The following RP1L1 variants were observed in gnomAD, a reference collection of about 807,000 sequenced individuals.
The protein encoded by RP1L1 is RP1 like 1, also known as retinitis pigmentosa 1-like 1 protein.
RP1L1 carries 27 observed loss-of-function variants against 15.7 expected under a neutral mutation model. The ratio of observed to expected loss-of-function variants is 1.72; its 90% CI spans 1.27 to 2.38. The LOEUF is 2.38. Ranked by LOEUF, RP1L1 falls within the 30% of genes most tolerant of loss-of-function variation. RP1L1 has a pLI of 0.00. For synonymous variants in RP1L1, 1,813 were observed against 1,276.7 expected, an observed-to-expected ratio of 1.42 and a Z score of -8.96; for missense variants, 4,798 against 3,075.9, an observed-to-expected ratio of 1.56 and a Z score of -13.24.
chr8:10,633,477 G>A lies in RP1L1; in HGVS notation c.-19-10257C>T, dbSNP rs540842448. ...AGCTTCCAGCCAAACAAAACCCCGGGCAAGGACACCACTCCCATCCGTGCA... is the reference window on the plus strand; with the variant it reads ...AGCTTCCAGCCAAACAAAACCCCGGACAAGGACACCACTCCCATCCGTGCA... On this transcript the variant is annotated intron_variant, in intron 1 of 3. Coordinates refer to ENST00000382483, the MANE Select transcript of RP1L1 (RefSeq NM_178857.6). 3.9e-5 allele frequency among the ~76,000 whole-genome samples: 6 copies of A among 152,276 alleles called. No homozygotes were observed. The South Asian group carries it at 1.2e-3, about 32-fold the overall frequency.
rs760959047 is a variant in RP1L1 at position 10,609,601 on chromosome 8, A to G, written c.4497T>C (p.Ala1499=). 2.5e-6 allele frequency: 4 copies of G among 1,606,530 alleles called. No homozygotes were observed. The East Asian group carries it at 8.9e-5, about 36-fold the overall frequency. The change falls in exon 4 of 4, where the codon GCT becomes GCC. Residue 1499 remains alanine (A), a synonymous_variant. Transcript: ENST00000382483. Reference sequence around the variant, plus strand: ...AGGCCACCGAAGAGCTCCTCTCTGCAGCCCCCTGGGTGGGTTGGGCCTGCG... The same window carrying G: ...AGGCCACCGAAGAGCTCCTCTCTGCGGCCCCCTGGGTGGGTTGGGCCTGCG... ...EHTQAQPTQG[A]AERSSSVACS...
At chr8:10,628,561 G>C (rs1798192801) in intron 1 of RP1L1, among the ~76,000 whole-genome samples, 1 of 152,218 alleles carries the variant, frequency 6.6e-6, no homozygotes, top group Non-Finnish European at 1.5e-5. Flanking sequence ...ACAAGGAGAG[G>C]AGAAACAACA....
chr8:10,623,289 T>C lies in RP1L1; in HGVS notation c.-19-69A>G. The C allele has an allele frequency of 2.5e-6, 3 of 1,177,094 alleles. No homozygotes were observed. The South Asian group carries it at 4.6e-5, about 18-fold the overall frequency. The allele number at this position is 1,177,094 out of a possible 1,614,324, so 72.9% of individuals were successfully genotyped here. The stretch of plus-strand genomic sequence containing the variant: ...GATTGGCATTTCCTGTCTCTTCCCG[T>C]CTTTCTAGAGGTGCTTCCTGCCCAC... On this transcript the variant is annotated intron_variant, in intron 1 of 3. Coordinates refer to ENST00000382483, the MANE Select transcript of RP1L1 (RefSeq NM_178857.6).
intron 1 of RP1L1, among the ~76,000 whole-genome samples, chr8:10,644,453 C>A (rs1798448013): frequency 6.6e-6 from 1 of 152,176 alleles, no homozygotes; most frequent in Non-Finnish European, 1.5e-5. Context: ...AGGGTCACAC[C>A]AGGCCACATG....
chr8:10,644,713 G>T (rs1307009713), intron 1 of RP1L1, among the ~76,000 whole-genome samples: 1 of 152,200 alleles, frequency 6.6e-6, no homozygotes, highest in African/African-American at 2.4e-5. Flanking sequence ...GAGCCCTGAA[G>T]CCACACCCAC....
At chr8:10,643,309 C>T (rs1433731125) in intron 1 of RP1L1, among the ~76,000 whole-genome samples, 1 of 152,160 alleles carries the variant, frequency 6.6e-6, no homozygotes, top group African/African-American at 2.4e-5. Context: ...TACTGCACTA[C>T]AGCCTGGGTG....
chr8:10,620,994 C>T (rs1798049126), intron 2 of RP1L1: 1 of 152,236 alleles, frequency 6.6e-6, no homozygotes, highest in African/African-American at 2.4e-5. Flanking sequence ...TGGAAAGAAG[C>T]TTTAAACACC....
At chr8:10,643,172 T>C (rs148226510) in intron 1 of RP1L1, among the ~76,000 whole-genome samples, 76 of 152,134 alleles carry the variant, frequency 5.0e-4, no homozygotes, top group East Asian at 2.7e-3. Context: ...ACGCTGTCTC[T>C]ACAAAAAAAA....
chr8:10,651,755 TAAAA>T (rs56269757), intron 1 of RP1L1, among the ~76,000 whole-genome samples: 45 of 101,758 alleles, frequency 4.4e-4, no homozygotes, highest in African/African-American at 1.3e-3. Flanking sequence ...GACTCCGTCT[TAAAA>T]AAAAAAAAAA....
chr8:10,620,657 G>A lies in RP1L1; in HGVS notation c.609+1936C>T, dbSNP rs529187938. ...GCCCCATGGAGCTGAAAGCTGAGACGGTCACCTTGGCCATACAAGGCTTCT... is the reference window on the plus strand; with the variant it reads ...GCCCCATGGAGCTGAAAGCTGAGACAGTCACCTTGGCCATACAAGGCTTCT... On this transcript the variant is annotated intron_variant, in intron 2 of 3. Coordinates refer to ENST00000382483, the MANE Select transcript of RP1L1 (RefSeq NM_178857.6). Among the ~76,000 whole-genome samples, 77 of 152,278 alleles carry A rather than the reference G, an allele frequency of 5.1e-4. 2 individuals are homozygous for A. The highest frequency in any genetic ancestry group is 3.2e-3 in the Admixed American group (49 of 15,292).
At position 10,606,958 on chromosome 8, in the gene RP1L1, A is replaced by T. The variant is rs1187415343; in HGVS notation, c.7140T>A (p.Ser2380Arg). ...YDLQEDQALGSLAPTEAVGRA... is the reference protein window; with the variant it reads ...YDLQEDQALGRLAPTEAVGRA... ...TGCCCACTGCCTCAGTGGGGGCGAG[A>T]CTTCCGAGTGCCTGGTCCTCTTGTA... Residue 2380 changes from serine (S) to arginine (R), a missense_variant, in exon 4 of 4, where the codon AGT (serine) becomes AGA (arginine). Coordinates refer to ENST00000382483, the MANE Select transcript of RP1L1 (RefSeq NM_178857.6). 6 of 1,614,180 alleles carry T rather than the reference A, an allele frequency of 3.7e-6. No homozygotes were observed. The highest frequency in any genetic ancestry group is 3.3e-5 in the South Asian group (3 of 91,082).
chr8:10,622,235 A>T (rs1798070883), intron 2 of RP1L1, among the ~76,000 whole-genome samples: 1 of 151,486 alleles, frequency 6.6e-6, no homozygotes, highest in African/African-American at 2.4e-5. Context: ...CAGGAGAATC[A>T]TTGGAACCCA....
Position 10,612,108 on chromosome 8 carries a change from G to C in RP1L1, c.1990C>G (p.His664Asp). ...TTGCGGTAGTGAGAATGCCTGGGAT[G>C]GCCTCTCGGGGCCACTCGGCCAAGG... ...PGLGRVAPRG[H>D]PRHSHYRKDT... is the part of the protein sequence containing the mutation. Residue 664 changes from histidine to aspartate, a missense_variant, in exon 4 of 4, where the codon CAT becomes GAT. By Grantham distance (81) the His-to-Asp change is moderately conservative (BLOSUM62 -1). Coordinates refer to ENST00000382483, the MANE Select transcript of RP1L1 (RefSeq NM_178857.6). 1 of 1,613,778 alleles carries C rather than the reference G, an allele frequency of 6.2e-7. No homozygotes were observed. The highest frequency in any genetic ancestry group is 8.5e-7 in the Non-Finnish European group (1 of 1,180,044).
At chr8:10,635,290 C>T (rs1251112906) in intron 1 of RP1L1, among the ~76,000 whole-genome samples, 1 of 138,978 alleles carries the variant, frequency 7.2e-6, no homozygotes, top group Non-Finnish European at 1.6e-5. Flanking sequence ...ATAATTCTAT[C>T]ACCTTCTCTA....
Position 10,611,179 on chromosome 8 carries a change from A to G in RP1L1, c.2919T>C (p.Tyr973=). 1.2e-6 allele frequency: 2 copies of G among 1,612,860 alleles called. No homozygotes were observed. Among genetic ancestry groups the G allele is most frequent in the Non-Finnish European group, 1.7e-6 (2 of 1,179,990 alleles). ...NIPEEPILMT[Y]ELADETTGAA... ...CACCTGTGGTCTCGTCCGCCAACTC[A>G]TATGTCATGAGTATGGGCTCTTCTG... Residue 973 remains tyrosine (Y), a synonymous_variant, in exon 4 of 4, where the codon TAT becomes TAC. Transcript: ENST00000382483.
chr8:10,609,154 G>A lies in RP1L1; in HGVS notation c.4944C>T (p.Gly1648=), dbSNP rs755519149. Residue 1648 remains glycine (G), a synonymous_variant, in exon 4 of 4, where the codon GGC becomes GGT. Transcript: ENST00000382483. ...ALSTALGSQL[G]EEAEGEEFCP... ...AGAACTCCTCCCCCTCCGCCTCCTC[G>A]CCCAGCTGGCTCCCCAGGGCTGTGC... 22 of 1,612,732 alleles carry A rather than the reference G, an allele frequency of 1.4e-5. 1 individual carries two copies. The highest frequency in any genetic ancestry group is 5.5e-5 in the South Asian group (5 of 91,068).
At chr8:10,631,009 G>A (rs770834865) in intron 1 of RP1L1, among the ~76,000 whole-genome samples, 1 of 152,182 alleles carries the variant, frequency 6.6e-6, no homozygotes, top group Non-Finnish European at 1.5e-5. Flanking sequence ...TGGAGTGAAT[G>A]CCTGGCTCTC....
chr8:10,635,286 C>G (rs1798311736), intron 1 of RP1L1, among the ~76,000 whole-genome samples: 1 of 141,292 alleles, frequency 7.1e-6, no homozygotes, highest in Admixed American at 6.8e-5. Context: ...GCCCATAATT[C>G]TATCACCTTC....
chr8:10,618,159 C>G (rs1171362105), intron 2 of RP1L1, among the ~76,000 whole-genome samples: 1 of 152,188 alleles, frequency 6.6e-6, no homozygotes, highest in Non-Finnish European at 1.5e-5. Context: ...GAGCAAATTA[C>G]TTAACCTCTG....
Sources: allele counts gnomAD v4.1 joint callset (sites outside exome capture counted in the v4.1 genomes callset), GRCh38; gene constraint gnomAD v4.1.1; transcripts MANE v1.5; gene names NCBI Gene and HGNC (gene_info 2026-07-23, HGNC 2026-07-21).